Variants in MANBA observed in about 807,000 individuals in gnomAD.
MANBA encodes the protein beta-mannosidase.
In MANBA, 83 loss-of-function variants were observed where a neutral mutation model predicts 111.1. The observed-to-expected ratio is 0.75, with a 90% CI of 0.63 to 0.90. MANBA has a LOEUF of 0.90. MANBA is among the 40% of genes least tolerant of loss of function. The pLI, the probability that MANBA is intolerant of heterozygous loss-of-function variation, is 0.00. For missense variants in MANBA, 1,036 were observed against 1,069.0 expected (o/e 0.97, Z 0.43); for synonymous variants, 370 against 378.7 (o/e 0.98, Z 0.27).
intron 1 of MANBA, among the ~76,000 whole-genome samples, chr4:102,758,692 G>A (rs544749537): frequency 7.9e-5 from 12 of 151,832 alleles, no homozygotes; most frequent in Non-Finnish European, 1.3e-4. Context: ...ACAGGTGTAC[G>A]CCACCACGCC....
intron 1 of MANBA, among the ~76,000 whole-genome samples, chr4:102,742,402 T>A (rs1372488429): frequency 6.6e-6 from 1 of 152,182 alleles, no homozygotes; most frequent in Non-Finnish European, 1.5e-5. Context: ...CTATGAATCT[T>A]GGCTATGGGA....
At chr4:102,696,263 T>G (rs759887015) in intron 5 of MANBA, among the ~76,000 whole-genome samples, 93 of 152,188 alleles carry the variant, frequency 6.1e-4, no homozygotes, top group Non-Finnish European at 1.1e-3. Context: ...TCTACAAACA[T>G]AGAGAATATG....
intron 10 of MANBA, 127 bp from the exon 11 acceptor site, chr4:102,664,979 T>G: frequency 1.4e-6 from 1 of 694,770 alleles, no homozygotes; most frequent in Non-Finnish European, 2.5e-6. Flanking sequence ...AAAACCTAAT[T>G]TGAAAATGGC....
chr4:102,760,608 A>T, intron 1 of MANBA, 110 bp downstream of exon 1: 1 of 1,223,058 alleles, frequency 8.2e-7, no homozygotes, highest in Non-Finnish European at 1.1e-6. Flanking sequence ...AGTTACTACC[A>T]AACCGACGAG....
chr4:102,703,017 A>T (rs940230146), intron 5 of MANBA, among the ~76,000 whole-genome samples: 15 of 152,242 alleles, frequency 9.9e-5, no homozygotes, highest in African/African-American at 3.6e-4. Context: ...CATATATATA[A>T]CAGATGCCCA....
In MANBA at chr4:102,643,275, C is replaced by T. The variant is rs116124797; in HGVS notation, c.1870-3418G>A. On this transcript the variant is annotated intron_variant, in intron 13 of 16. Coordinates refer to ENST00000647097, the MANE Select transcript of MANBA (RefSeq NM_005908.4). ...AATAATATTTTATTGTATGGAGATGCTACATTTTGCTTGTCTATTCGTCAG... is the reference window on the plus strand; with the variant it reads ...AATAATATTTTATTGTATGGAGATGTTACATTTTGCTTGTCTATTCGTCAG... 4.9e-3 allele frequency among the ~76,000 whole-genome samples: 741 copies of T among 152,282 alleles called. 11 individuals are homozygous for T. Among genetic ancestry groups the T allele is most frequent in the African/African-American group, 0.017 (689 of 41,568 alleles).
chr4:102,670,471 GAAC>G (rs1373531540), intron 9 of MANBA, among the ~76,000 whole-genome samples: 1 of 151,984 alleles, frequency 6.6e-6, no homozygotes. Flanking sequence ...TTATATTTTA[GAAC>G]AACAATAATA....
intron 5 of MANBA, among the ~76,000 whole-genome samples, chr4:102,697,483 A>G (rs981667058): frequency 6.7e-6 from 1 of 149,254 alleles, no homozygotes; most frequent in Non-Finnish European, 1.5e-5. Context: ...CATTAGGTAT[A>G]TCTCCCAATG....
At position 102,673,947 on chromosome 4, in the gene MANBA, A is replaced by T; in HGVS notation, c.1084T>A (p.Ser362Thr). Residue 362 changes from serine (S) to threonine (T), a missense_variant, in exon 8 of 17, where the codon TCA (serine) becomes ACA (threonine). Physicochemically the swap from Ser to Thr is moderately conservative, Grantham distance 58. Coordinates refer to ENST00000647097, the MANE Select transcript of MANBA (RefSeq NM_005908.4). ...LKGSNWIPAD[S>T]FQDRVTSELL... is the part of the protein sequence containing the mutation. ...TCAGAGGTTACTCGGTCCTGGAATG[A>T]ATCTGCTGGGATCCAGTTTGAGCCT... 2.5e-6 allele frequency: 4 copies of T among 1,611,768 alleles called. No individual in the cohort carries two copies. The highest frequency in any genetic ancestry group is 2.5e-6 in the Non-Finnish European group (3 of 1,177,846).
chr4:102,717,455 C>G (rs1200445404), intron 4 of MANBA, among the ~76,000 whole-genome samples: 2 of 147,054 alleles, frequency 1.4e-5, no homozygotes, highest in African/African-American at 2.5e-5. Context: ...ATGTCTCACT[C>G]TGTCACCCAG....
At chr4:102,648,297 T>C (rs1265891884) in intron 13 of MANBA, among the ~76,000 whole-genome samples, 2 of 152,086 alleles carry the variant, frequency 1.3e-5, no homozygotes, top group Non-Finnish European at 2.9e-5. Flanking sequence ...TTATTCATAA[T>C]AGCCAAAAAT....
At chr4:102,692,378 C>T (rs1052257656) in intron 5 of MANBA, among the ~76,000 whole-genome samples, 7 of 152,106 alleles carry the variant, frequency 4.6e-5, no homozygotes, top group Non-Finnish European at 1.0e-4. Context: ...CAGAATGTTT[C>T]GAAGAGGTTT....
rs764590048 is a variant in MANBA, at chr4:102,657,793, T to A, written c.1593A>T (p.Val531=). ...AATCACTGATATAGTCATAAAAATG[T>A]ACATCACCAAAATAATTGCTATTAG... ...QNPNSNYFGD[V]HFYDYISDCW... is the part of the protein sequence containing the mutation. Residue 531 remains valine (V), a synonymous_variant, in exon 12 of 17, where the codon GTA becomes GTT. Transcript: ENST00000647097. The A allele has an allele frequency of 6.2e-7, 1 of 1,613,568 alleles. No homozygotes were observed. Among genetic ancestry groups the A allele is most frequent in the East Asian group, 2.2e-5 (1 of 44,886 alleles).
intron 1 of MANBA, among the ~76,000 whole-genome samples, chr4:102,731,948 C>T (rs1271368213): frequency 6.6e-6 from 1 of 151,894 alleles, no homozygotes; most frequent in Non-Finnish European, 1.5e-5. Flanking sequence ...ACTCTTGTTG[C>T]CCAGGCTGGA....
At chr4:102,664,896 T>TA in intron 10 of MANBA, 44 bp from the exon 11 acceptor site, 1 of 1,467,154 alleles carries the variant, frequency 6.8e-7, no homozygotes, top group South Asian at 1.1e-5. Context: ...AGAGTTAACA[T>TA]AAAAAATTCA....
chr4:102,727,083 T>A (rs1722839659), intron 1 of MANBA, among the ~76,000 whole-genome samples: 1 of 152,144 alleles, frequency 6.6e-6, no homozygotes, highest in Non-Finnish European at 1.5e-5. Flanking sequence ...GGCCTACAGT[T>A]TATCTTGTGT....
intron 5 of MANBA, among the ~76,000 whole-genome samples, chr4:102,692,270 G>A (rs1732514398): frequency 6.6e-6 from 1 of 152,154 alleles, no homozygotes; most frequent in South Asian, 2.1e-4. Flanking sequence ...GCAAAGAAGA[G>A]TGTTGATCAG....
intron 5 of MANBA, among the ~76,000 whole-genome samples, chr4:102,708,219 C>G (rs944734382): frequency 5.9e-5 from 9 of 152,180 alleles, no homozygotes; most frequent in South Asian, 2.1e-4. Context: ...CTCATTAGCA[C>G]ATAGCATATT....
chr4:102,649,514 G>C (rs1485890521), intron 13 of MANBA, among the ~76,000 whole-genome samples: 1 of 152,020 alleles, frequency 6.6e-6, no homozygotes, highest in Non-Finnish European at 1.5e-5. Context: ...AACAAGATTG[G>C]GCACATTTTC....
Sources: allele counts gnomAD v4.1 joint callset (sites outside exome capture counted in the v4.1 genomes callset), GRCh38; gene constraint gnomAD v4.1.1; transcripts MANE v1.5; gene names NCBI Gene and HGNC (gene_info 2026-07-23, HGNC 2026-07-21).